The following BAZ2B variants were observed in gnomAD, a reference collection of about 807,000 sequenced individuals.
BAZ2B encodes the protein bromodomain adjacent to zinc finger domain protein 2B.
BAZ2B carries 91 observed loss-of-function variants against 246.0 expected under a neutral mutation model. The observed-to-expected ratio is 0.37, with a 90% CI of 0.31 to 0.44. The LOEUF (loss-of-function observed/expected upper bound fraction) is 0.44, where lower values mean the gene tolerates loss of function less well. Ranked by LOEUF, BAZ2B falls within the 20% of genes least tolerant of loss-of-function variation. BAZ2B has a pLI of 1.00. For missense variants in BAZ2B, 2,332 were observed against 2,533.7 expected (o/e 0.92, Z 1.71); for synonymous variants, 855 against 860.0 (o/e 0.99, Z 0.10).
intron 27 of BAZ2B, among the ~76,000 whole-genome samples, chr2:159,369,190 T>A (rs2060549228): frequency 6.6e-6 from 1 of 152,130 alleles, no homozygotes; most frequent in Non-Finnish European, 1.5e-5. Flanking sequence ...TTGAGCTGGA[T>A]CAAGAAGGAT....
At chr2:159,387,282 G>A (rs942523838) in intron 21 of BAZ2B, among the ~76,000 whole-genome samples, 3 of 152,066 alleles carry the variant, frequency 2.0e-5, no homozygotes, top group African/African-American at 7.2e-5. Context: ...TATCTCTGTT[G>A]TTATTTCTCA....
At chr2:159,426,942 AAG>A (rs1450887628) in intron 13 of BAZ2B, among the ~76,000 whole-genome samples, 1 of 152,148 alleles carries the variant, frequency 6.6e-6, no homozygotes, top group Non-Finnish European at 1.5e-5. Flanking sequence ...AATGGGACAG[AAG>A]AGAGAGAGGT....
At chr2:159,501,531 A>G (rs1299786162) in intron 2 of BAZ2B, among the ~76,000 whole-genome samples, 1 of 151,956 alleles carries the variant, frequency 6.6e-6, no homozygotes, top group Non-Finnish European at 1.5e-5. Flanking sequence ...AGTAAAACAA[A>G]GTACAAACTC....
chr2:159,428,298 G>T lies in BAZ2B; in HGVS notation c.2364+13C>A. 1 of 1,595,238 alleles carries T rather than the reference G, an allele frequency of 6.3e-7. No homozygotes were observed. On this transcript the variant is annotated intron_variant, in intron 12 of 36. Transcript: ENST00000392783. ...AGGCACCAAATGTACATTATTTGGT[G>T]AAAAGTATGTACCTTTATTACTTCA...
chr2:159,555,090 ATTT>A (rs72324855), intron 2 of BAZ2B, among the ~76,000 whole-genome samples: 15 of 93,792 alleles, frequency 1.6e-4, no homozygotes, highest in Admixed American at 4.3e-4. Context: ...GTGTGTGTGT[ATTT>A]TTTTTTTTTT....
chr2:159,483,348 T>A (rs1367870961), intron 2 of BAZ2B, among the ~76,000 whole-genome samples: 1 of 152,084 alleles, frequency 6.6e-6, no homozygotes, highest in Non-Finnish European at 1.5e-5. Flanking sequence ...CAGGTACCTG[T>A]CACCATGCTT....
chr2:159,430,761 A>G, intron 10 of BAZ2B, 102 bp downstream of exon 10: 1 of 1,496,008 alleles, frequency 6.7e-7, no homozygotes, highest in Non-Finnish European at 8.9e-7. Flanking sequence ...TCTAACTTTA[A>G]TCTTGATTCC....
In BAZ2B at chr2:159,450,382, A is replaced by G. The variant is rs552620956; in HGVS notation, c.335-1973T>C. 6.6e-5 allele frequency among the ~76,000 whole-genome samples: 10 copies of G among 151,924 alleles called. No individual in the cohort carries two copies. The East Asian group carries it at 1.9e-3, about 29-fold the overall frequency. On this transcript the variant is annotated intron_variant, in intron 4 of 36. Transcript: ENST00000392783. ...ACGGAGTGAAACTCTCTCAAAGAAA[A>G]AAAAAAAAAAAGTAAAGAAGCACAC...
intron 25 of BAZ2B, among the ~76,000 whole-genome samples, chr2:159,377,286 C>T (rs554587254): frequency 5.2e-4 from 79 of 152,256 alleles, no homozygotes; most frequent in East Asian, 5.8e-4. Context: ...CCTAACTTAT[C>T]AATTTCATTA....
intron 13 of BAZ2B, among the ~76,000 whole-genome samples, chr2:159,412,869 T>C (rs926764856): frequency 7.9e-5 from 12 of 152,222 alleles, no homozygotes; most frequent in Non-Finnish European, 1.6e-4. Flanking sequence ...TTAAAAATGT[T>C]AGTTGTACAA....
intron 12 of BAZ2B, 53 bp downstream of exon 12, chr2:159,428,258 A>G: frequency 7.5e-6 from 11 of 1,459,306 alleles, no homozygotes; most frequent in Non-Finnish European, 1.0e-5. Flanking sequence ...TTTTTTGTAC[A>G]TGATCATGCT....
intron 31 of BAZ2B, among the ~76,000 whole-genome samples, chr2:159,346,679 A>G (rs1207604356): frequency 2.0e-5 from 3 of 152,028 alleles, no homozygotes; most frequent in African/African-American, 7.3e-5. Context: ...ACAGCGTGAG[A>G]CTCCATCTCA....
Position 159,446,804 on chromosome 2 carries a change from C to T in BAZ2B, c.674G>A (p.Arg225Lys). The T allele has an allele frequency of 6.2e-7, 1 of 1,610,180 alleles. No individual in the cohort carries two copies. Among genetic ancestry groups the T allele is most frequent in the Admixed American group, 1.7e-5 (1 of 59,442 alleles). The part of the protein sequence containing the change: ...EQSKNQPLDA[R>K]VDKIKDKKPR... ...TACCTTATCTTTGATTTTGTCAACT[C>T]TAGCATCCAAAGGCTGGTTTTTGCT... The change falls in exon 6 of 37, where the codon AGA (arginine) becomes AAA (lysine). Residue 225 changes from arginine to lysine, a missense_variant. By Grantham distance (26) the Arg-to-Lys change is conservative. This residue lies in a region of BAZ2B where 161 missense variants were observed against 225.8 expected (regional missense o/e 0.71). Transcript: ENST00000392783.
upstream of BAZ2B, among the ~76,000 whole-genome samples, chr2:159,619,949 T>G (rs1186340023): frequency 2.6e-5 from 4 of 152,220 alleles, no homozygotes; most frequent in Admixed American, 2.0e-4. Context: ...ATAATTGTGA[T>G]AGAATTTAAT....
chr2:159,519,299 G>A (rs1396841709), intron 2 of BAZ2B, among the ~76,000 whole-genome samples: 1 of 123,018 alleles, frequency 8.1e-6, no homozygotes, highest in Non-Finnish European at 1.6e-5. Flanking sequence ...GCGCAATCTC[G>A]GCTCACTGCA....
At chr2:159,544,913 T>C (rs2087124768) in intron 2 of BAZ2B, among the ~76,000 whole-genome samples, 1 of 152,220 alleles carries the variant, frequency 6.6e-6, no homozygotes, top group South Asian at 2.1e-4. Context: ...TTAAATGGCT[T>C]TGAAATTCAG....
the BAZ2B span, among the ~76,000 whole-genome samples, chr2:159,697,408 A>G: frequency 6.6e-6 from 1 of 152,234 alleles, no homozygotes; most frequent in Non-Finnish European, 1.5e-5. Flanking sequence ...TTCATAAATA[A>G]TGTGATATCT....
At chr2:159,656,986 T>A in the BAZ2B span, among the ~76,000 whole-genome samples, 5 of 152,148 alleles carry the variant, frequency 3.3e-5, no homozygotes, top group Non-Finnish European at 7.4e-5. Flanking sequence ...TTTTAAATTT[T>A]AATCTTGTAC....
chr2:159,543,443 T>C (rs940798413), intron 2 of BAZ2B, among the ~76,000 whole-genome samples: 2 of 152,112 alleles, frequency 1.3e-5, no homozygotes, highest in Non-Finnish European at 2.9e-5. Flanking sequence ...AAGCTTTGCC[T>C]CTGAGATGCT....
Sources: allele counts gnomAD v4.1 joint callset (sites outside exome capture counted in the v4.1 genomes callset), GRCh38; gene constraint gnomAD v4.1.1; regional missense constraint gnomAD v4.1.1; transcripts MANE v1.5; gene names NCBI Gene and HGNC (gene_info 2026-07-23, HGNC 2026-07-21).